GMDS: variants seen among roughly 807,000 people sequenced by gnomAD.
GMDS encodes the protein GDP-mannose 4,6-dehydratase.
In GMDS, 20 loss-of-function variants were observed where a neutral mutation model predicts 49.9. That is an observed-to-expected ratio of 0.40 (90% CI 0.28 to 0.58). GMDS has a LOEUF of 0.58. Among genes scored for constraint, GMDS ranks in the 20% least tolerant of loss-of-function variants. The pLI is 0.42. For synonymous variants in GMDS, 177 were observed against 178.6 expected, an observed-to-expected ratio of 0.99 and a Z score of 0.07; for missense variants, 362 against 481.4, an observed-to-expected ratio of 0.75 and a Z score of 2.32.
chr6:2,162,493 G>C (rs569862490), intron 1 of GMDS, among the ~76,000 whole-genome samples: 3 of 152,148 alleles, frequency 2.0e-5, no homozygotes, highest in Admixed American at 2.0e-4. Flanking sequence ...GTACTTGTCT[G>C]CTAAAAGGAA....
At chr6:1,879,941 A>G (rs1301358884) in intron 7 of GMDS, among the ~76,000 whole-genome samples, 3 of 152,182 alleles carry the variant, frequency 2.0e-5, no homozygotes, top group Admixed American at 6.5e-5. Flanking sequence ...CGTCTTACAT[A>G]TGAGATGTTA....
At chr6:1,994,279 A>C (rs1366872505) in intron 4 of GMDS, among the ~76,000 whole-genome samples, 2 of 152,154 alleles carry the variant, frequency 1.3e-5, no homozygotes, top group Non-Finnish European at 2.9e-5. Context: ...CTCTCAACCA[A>C]AACAAATATA....
chr6:1,767,062 C>T (rs1462473362), intron 7 of GMDS, among the ~76,000 whole-genome samples: 1 of 152,192 alleles, frequency 6.6e-6, no homozygotes, highest in Non-Finnish European at 1.5e-5. Flanking sequence ...TAAAATGTAG[C>T]TCCTTAGATT....
chr6:1,870,439 C>T (rs1229632938), intron 7 of GMDS, among the ~76,000 whole-genome samples: 1 of 152,088 alleles, frequency 6.6e-6, no homozygotes, highest in Non-Finnish European at 1.5e-5. Flanking sequence ...GTCAATCTTC[C>T]TCCCCCACCC....
intron 9 of GMDS, among the ~76,000 whole-genome samples, chr6:1,712,557 A>G (rs1182650580): frequency 6.6e-6 from 1 of 152,262 alleles, no homozygotes; most frequent in African/African-American, 2.4e-5. Context: ...CCTGGGGTGC[A>G]AAATGTCACT....
At chr6:1,661,716 G>C (rs1764080658) in intron 9 of GMDS, among the ~76,000 whole-genome samples, 1 of 152,238 alleles carries the variant, frequency 6.6e-6, no homozygotes, top group South Asian at 2.1e-4. Flanking sequence ...GAGTTAGTAA[G>C]AGTCTGACAG....
chr6:1,624,707 C>G (rs911976215), intron 9 of GMDS, 167 bp from the exon 10 acceptor site: 18 of 611,418 alleles, frequency 2.9e-5, no homozygotes, highest in Admixed American at 5.9e-5. Context: ...CTCTCGGCGC[C>G]GTAAATCACT....
chr6:2,126,217 G>A (rs1775426504), intron 1 of GMDS, among the ~76,000 whole-genome samples: 1 of 152,160 alleles, frequency 6.6e-6, no homozygotes, highest in Non-Finnish European at 1.5e-5. Context: ...ACATTTTGCA[G>A]TCGATCCCAT....
At chr6:1,771,663 TTTTGTGCAAA>T (rs1175952513) in intron 7 of GMDS, among the ~76,000 whole-genome samples, 1 of 152,178 alleles carries the variant, frequency 6.6e-6, no homozygotes, top group African/African-American at 2.4e-5. Context: ...CATTTCTGAG[TTTTGTGCAAA>T]TCTTACTGTA....
At chr6:2,193,960 T>C (rs776731208) in intron 1 of GMDS, among the ~76,000 whole-genome samples, 2 of 151,982 alleles carry the variant, frequency 1.3e-5, no homozygotes, top group Non-Finnish European at 2.9e-5. Context: ...CCTGACCTCA[T>C]GATCCACCCG....
chr6:2,016,297 A>G (rs1767898437), intron 4 of GMDS, among the ~76,000 whole-genome samples: 1 of 151,620 alleles, frequency 6.6e-6, no homozygotes, highest in African/African-American at 2.4e-5. Context: ...ATGAAAAAAC[A>G]GACAATTGTC....
chr6:1,824,444 A>G (rs1280979896), intron 7 of GMDS, among the ~76,000 whole-genome samples: 1 of 152,132 alleles, frequency 6.6e-6, no homozygotes, highest in African/African-American at 2.4e-5. Context: ...AACTATTCAC[A>G]TTCCCTGAAT....
chr6:2,118,021 C>T (rs1057438546), intron 2 of GMDS, among the ~76,000 whole-genome samples: 5 of 152,104 alleles, frequency 3.3e-5, no homozygotes, highest in African/African-American at 4.8e-5. Flanking sequence ...ATTTCTGGAG[C>T]CACAGACATC....
Position 1,874,920 on chromosome 6 carries a change from C to G in GMDS, c.771+55183G>C, listed in dbSNP as rs551623187. The stretch of plus-strand genomic sequence containing the variant: ...TTTTTCAAAATGCGAGAAGAAAAAA[C>G]CCCAATGTTTGGAAATATTTTAATG... On this transcript the variant is annotated intron_variant, in intron 7 of 10. Coordinates refer to ENST00000380815, the MANE Select transcript of GMDS (RefSeq NM_001500.4). Among the ~76,000 whole-genome samples the G allele has an allele frequency of 5.9e-5, 9 of 152,284 alleles. No homozygotes were observed. The South Asian group carries it at 1.9e-3, about 32-fold the overall frequency.
chr6:1,668,587 G>A (rs1447264078), intron 9 of GMDS, among the ~76,000 whole-genome samples: 5 of 152,092 alleles, frequency 3.3e-5, no homozygotes, highest in Non-Finnish European at 7.4e-5. Flanking sequence ...GTGCACGCCT[G>A]TAATCCCAGC....
chr6:2,176,957 A>G (rs755281532), intron 1 of GMDS, among the ~76,000 whole-genome samples: 2 of 152,152 alleles, frequency 1.3e-5, no homozygotes, highest in Non-Finnish European at 2.9e-5. Context: ...AAAGGAAGAG[A>G]GCTCTTTTAG....
chr6:2,239,958 C>T (rs896233963), intron 1 of GMDS, among the ~76,000 whole-genome samples: 1 of 152,194 alleles, frequency 6.6e-6, no homozygotes, highest in African/African-American at 2.4e-5. Flanking sequence ...CTCAGCCTCC[C>T]AAAGTGCTGG....
At chr6:2,173,614 G>A (rs1303933373) in intron 1 of GMDS, among the ~76,000 whole-genome samples, 1 of 152,166 alleles carries the variant, frequency 6.6e-6, no homozygotes, top group East Asian at 1.9e-4. Context: ...AGTGAAAACA[G>A]GAAGTTCTAT....
chr6:1,929,263 G>C (rs1762171940), intron 7 of GMDS, among the ~76,000 whole-genome samples: 1 of 152,202 alleles, frequency 6.6e-6, no homozygotes. Flanking sequence ...ATTCAGGACA[G>C]AAATAGGCTC....
Sources: allele counts gnomAD v4.1 joint callset (sites outside exome capture counted in the v4.1 genomes callset), GRCh38; gene constraint gnomAD v4.1.1; transcripts MANE v1.5; gene names NCBI Gene and HGNC (gene_info 2026-07-23, HGNC 2026-07-21).